The following CDH13 variants were observed in gnomAD, a reference collection of about 807,000 sequenced individuals.
CDH13 encodes the protein cadherin-13.
In CDH13, 24 loss-of-function variants were observed where a neutral mutation model predicts 63.8. The ratio of observed to expected loss-of-function variants is 0.38; its 90% CI spans 0.27 to 0.53. The LOEUF (loss-of-function observed/expected upper bound fraction) is 0.53. Among genes scored for constraint, CDH13 ranks in the 20% least tolerant of loss-of-function variants. CDH13 has a pLI of 0.85. For synonymous variants in CDH13, 503 were observed against 355.3 expected, an observed-to-expected ratio of 1.42 and a Z score of -4.67; for missense variants, 1,049 against 903.1, an observed-to-expected ratio of 1.16 and a Z score of -2.07.
intron 6 of CDH13, among the ~76,000 whole-genome samples, chr16:83,353,918 C>T (rs1291050826): frequency 1.3e-5 from 2 of 152,204 alleles, no homozygotes; most frequent in Non-Finnish European, 2.9e-5. Context: ...GGGAGTCATC[C>T]TTCCATCACT....
intron 1 of CDH13, chr16:82,719,495 A>G (rs1857781107): frequency 2.2e-6 from 1 of 454,176 alleles, no homozygotes; most frequent in African/African-American, 2.0e-5. Flanking sequence ...ATGAGATGTG[A>G]AGGCAGTGAT....
intron 2 of CDH13, among the ~76,000 whole-genome samples, chr16:83,014,758 A>ATATATATATG (rs1914541064): frequency 1.9e-5 from 1 of 51,878 alleles, no homozygotes; most frequent in African/African-American, 6.6e-5. Context: ...ATATATATAT[A>ATATATATATG]TATATATATA....
chr16:82,711,242 T>G (rs2031919573), intron 1 of CDH13, among the ~76,000 whole-genome samples: 1 of 152,172 alleles, frequency 6.6e-6, no homozygotes, highest in Non-Finnish European at 1.5e-5. Flanking sequence ...TATGAAAGAT[T>G]CTGTTTCATC....
At chr16:83,585,494 G>T (rs1343675918) in intron 7 of CDH13, among the ~76,000 whole-genome samples, 1 of 152,132 alleles carries the variant, frequency 6.6e-6, no homozygotes. Context: ...GGGAGCTGCT[G>T]AGCTTGCTTT....
chr16:83,290,383 G>C (rs986939275), intron 5 of CDH13, among the ~76,000 whole-genome samples: 2 of 152,024 alleles, frequency 1.3e-5, no homozygotes, highest in Non-Finnish European at 2.9e-5. Context: ...TGAATCACGG[G>C]GGGCAGGTTT....
chr16:83,264,257 C>A (rs1244951350), intron 5 of CDH13, among the ~76,000 whole-genome samples: 2 of 152,134 alleles, frequency 1.3e-5, no homozygotes, highest in Non-Finnish European at 1.5e-5. Flanking sequence ...GACAGGTTGT[C>A]ATTTTAGCAG....
chr16:83,652,264 C>A (rs906794292), intron 8 of CDH13, among the ~76,000 whole-genome samples: 1 of 152,198 alleles, frequency 6.6e-6, no homozygotes, highest in East Asian at 1.9e-4. Context: ...TAAGTCAATT[C>A]CGTGTATGAA....
At chr16:82,700,689 A>G (rs984415059) in intron 1 of CDH13, among the ~76,000 whole-genome samples, 49 of 152,152 alleles carry the variant, frequency 3.2e-4, no homozygotes, top group African/African-American at 1.2e-3. Context: ...AACTGTGAGA[A>G]GATCACAGCT....
chr16:83,404,091 A>C (rs908296188), intron 6 of CDH13, among the ~76,000 whole-genome samples: 3 of 152,238 alleles, frequency 2.0e-5, no homozygotes, highest in Non-Finnish European at 4.4e-5. Flanking sequence ...AAAAATGTTC[A>C]TACAAGGAGT....
Position 82,866,778 on chromosome 16 carries a change from A to T in CDH13, c.157+8305A>T, listed in dbSNP as rs146012759. Among the ~76,000 whole-genome samples the T allele has an allele frequency of 1.1e-4, 17 of 152,284 alleles. No homozygotes were observed. The East Asian group carries it at 3.3e-3, about 30-fold the overall frequency. On this transcript the variant is annotated intron_variant, in intron 2 of 13. Coordinates refer to ENST00000567109, the MANE Select transcript of CDH13 (RefSeq NM_001257.5). ...CAAGGCACCTTCTTCACAAGGAGGC[A>T]GGAAGGAGAAGTGCCGAGATAAGGG...
At chr16:82,747,902 G>C (rs1405443941) in intron 1 of CDH13, among the ~76,000 whole-genome samples, 8 of 152,158 alleles carry the variant, frequency 5.3e-5, no homozygotes. Context: ...AAAGGCATTT[G>C]TTTACATCCA....
intron 5 of CDH13, among the ~76,000 whole-genome samples, chr16:83,320,856 C>A (rs182965582): frequency 2.0e-5 from 3 of 152,060 alleles, no homozygotes; most frequent in Non-Finnish European, 2.9e-5. Flanking sequence ...TGGAAGTTAC[C>A]GAACAGATTT....
At chr16:83,430,636 C>T (rs2072069764) in intron 6 of CDH13, among the ~76,000 whole-genome samples, 2 of 152,158 alleles carry the variant, frequency 1.3e-5, no homozygotes, top group Admixed American at 1.3e-4. Flanking sequence ...TTTACACTCT[C>T]ATGAAAGAGA....
intron 11 of CDH13, among the ~76,000 whole-genome samples, chr16:83,757,278 A>G (rs117376540): frequency 6.6e-6 from 1 of 152,192 alleles, no homozygotes; most frequent in South Asian, 2.1e-4. Context: ...AATATACAAG[A>G]CAAAATCAAC....
chr16:83,207,543 G>A (rs926115706), intron 4 of CDH13, among the ~76,000 whole-genome samples: 1 of 152,072 alleles, frequency 6.6e-6, no homozygotes, highest in Admixed American at 6.6e-5. Flanking sequence ...ATGGACACCT[G>A]AGTTGTTCCC....
At chr16:82,728,309 G>A (rs1253617212) in intron 1 of CDH13, among the ~76,000 whole-genome samples, 4 of 152,082 alleles carry the variant, frequency 2.6e-5, no homozygotes, top group African/African-American at 9.7e-5. Context: ...GCCTTGTTCA[G>A]TTTACCCTTA....
rs562123139 is a variant in CDH13, at chr16:82,981,619, C to T, written c.158-50391C>T. Among the ~76,000 whole-genome samples, 7 of 152,288 alleles carry T rather than the reference C, an allele frequency of 4.6e-5. No individual in the cohort carries two copies. The East Asian group carries it at 1.2e-3, about 25-fold the overall frequency. On this transcript the variant is annotated intron_variant, in intron 2 of 13. Coordinates refer to ENST00000567109, the MANE Select transcript of CDH13 (RefSeq NM_001257.5). ...TTCTCCATCTTCTTCAGGTGTTCTCCTTCCTTCTTTAGGTCAGAAAAGAAA... is the reference window on the plus strand; with the variant it reads ...TTCTCCATCTTCTTCAGGTGTTCTCTTTCCTTCTTTAGGTCAGAAAAGAAA...
chr16:83,420,063 G>A (rs2071670953), intron 6 of CDH13, among the ~76,000 whole-genome samples: 1 of 152,036 alleles, frequency 6.6e-6, no homozygotes, highest in Non-Finnish European at 1.5e-5. Flanking sequence ...GATTTAAATA[G>A]AGGGCAAAGA....
chr16:83,162,944 C>A (rs1567464126), intron 4 of CDH13, among the ~76,000 whole-genome samples: 1 of 152,042 alleles, frequency 6.6e-6, no homozygotes, highest in Non-Finnish European at 1.5e-5. Context: ...TTGGCTGTGT[C>A]CCCACGTAAA....
Sources: allele counts gnomAD v4.1 joint callset (sites outside exome capture counted in the v4.1 genomes callset), GRCh38; gene constraint gnomAD v4.1.1; transcripts MANE v1.5; gene names NCBI Gene and HGNC (gene_info 2026-07-23, HGNC 2026-07-21).